The following ANTXR2 variants were observed in gnomAD, a reference collection of about 807,000 sequenced individuals.
ANTXR2 encodes the protein anthrax toxin receptor 2.
Under a neutral mutation model 73.7 loss-of-function variants are expected in ANTXR2, and 44 were observed. That is an observed-to-expected ratio of 0.60 (90% CI 0.47 to 0.77). The LOEUF is 0.77. Among genes scored for constraint, ANTXR2 ranks in the 30% least tolerant of loss-of-function variants. The pLI is 0.00. For missense variants in ANTXR2, 604 were observed against 592.5 expected, an observed-to-expected ratio of 1.02 and a Z score of -0.20; for synonymous variants, 217 against 205.9, an observed-to-expected ratio of 1.05 and a Z score of -0.46.
Position 79,906,517 on chromosome 4 carries a change from T to C in ANTXR2, c.*912A>G, listed in dbSNP as rs1395919053. ...CCCTGAGCGGAAGCTTTGTGGTTAC[T>C]GCTTCCTTTAAATTAAAAGCAAAAC... On this transcript the variant is annotated 3_prime_UTR_variant, in exon 17 of 17. Transcript: ENST00000403729. 1.3e-5 allele frequency: 2 copies of C among 152,624 alleles called. No individual in the cohort carries two copies. Among genetic ancestry groups the C allele is most frequent in the Non-Finnish European group, 2.9e-5 (2 of 68,040 alleles). The allele number at this position is 152,624 out of a possible 1,614,324, so 9.5% of individuals were successfully genotyped here. A position where few individuals can be genotyped will look rare whatever the true frequency, so the allele number is the denominator to read the frequency against.
At position 80,043,078 on chromosome 4, in the gene ANTXR2, G is replaced by C. The variant is rs575031273; in HGVS notation, c.637-7046C>G. 4.9e-4 allele frequency among the ~76,000 whole-genome samples: 74 copies of C among 152,062 alleles called. 1 individual carries two copies. The highest frequency in any genetic ancestry group is 6.8e-3 in the Middle Eastern group (2 of 294). On this transcript the variant is annotated intron_variant, in intron 7 of 16. Transcript: ENST00000403729. ...GTTCACAAGCATGGGGGAGAGAGGG[G>C]AGTGGAGGATGAAAAATTACTTAGT... is the stretch of plus-strand genomic sequence containing the variant.
intron 3 of ANTXR2, among the ~76,000 whole-genome samples, chr4:80,064,245 G>C (rs975443944): frequency 4.6e-5 from 7 of 152,068 alleles, no homozygotes; most frequent in Admixed American, 1.3e-4. Flanking sequence ...TTCAGGCTGG[G>C]GGCAAGTGTA....
chr4:80,013,694 T>C (rs2110062838), intron 11 of ANTXR2, among the ~76,000 whole-genome samples: 1 of 152,304 alleles, frequency 6.6e-6, no homozygotes, highest in East Asian at 1.9e-4. Context: ...TTACCCACTA[T>C]ACTCTTCTAT....
chr4:80,070,809 C>T (rs1194460302), intron 2 of ANTXR2, among the ~76,000 whole-genome samples: 1 of 151,940 alleles, frequency 6.6e-6, no homozygotes. Context: ...TGATACAGTT[C>T]CTATTCATGT....
intron 10 of ANTXR2, among the ~76,000 whole-genome samples, chr4:80,030,280 T>C (rs552161736): frequency 9.2e-5 from 14 of 151,942 alleles, no homozygotes; most frequent in Non-Finnish European, 2.1e-4. Context: ...ATAACTAAAA[T>C]GGAAAATACA....
chr4:80,005,533 C>A (rs1055147718), intron 12 of ANTXR2, among the ~76,000 whole-genome samples: 2 of 152,148 alleles, frequency 1.3e-5, no homozygotes, highest in African/African-American at 2.4e-5. Flanking sequence ...AAGATAAACA[C>A]CCTGCGATTG....
chr4:80,023,665 T>TA (rs1407222968), intron 10 of ANTXR2, among the ~76,000 whole-genome samples: 2 of 152,226 alleles, frequency 1.3e-5, no homozygotes, highest in Admixed American at 6.5e-5. Context: ...GGATGAAGCT[T>TA]AAAGAATGAT....
Position 80,055,992 on chromosome 4 carries a change from C to T in ANTXR2, c.318G>A (p.Leu106=). ...CTGGACTAACACGTTTTAAATCCTC[C>T]AAGCCTTTACTGATTTTGCCTCTGA... The part of the protein sequence containing the change: ...TGDRGKISKG[L]EDLKRVSPVG... The change falls in exon 4 of 17, where the codon TTG becomes TTA. Residue 106 remains leucine (L), a synonymous_variant. Transcript: ENST00000403729. 1 of 1,564,264 alleles carries T rather than the reference C, an allele frequency of 6.4e-7. No homozygotes were observed. The highest frequency in any genetic ancestry group is 8.7e-7 in the Non-Finnish European group (1 of 1,155,498).
intron 16 of ANTXR2, among the ~76,000 whole-genome samples, chr4:79,948,254 A>G (rs1728583463): frequency 6.6e-6 from 1 of 152,148 alleles, no homozygotes; most frequent in Non-Finnish European, 1.5e-5. Flanking sequence ...TTTGTGGTTC[A>G]GATAAGAGGA....
At chr4:79,907,573 G>A (rs889276510) in intron 16 of ANTXR2, 106 bp from the exon 17 acceptor site, 5 of 1,256,034 alleles carry the variant, frequency 4.0e-6, no homozygotes, top group Non-Finnish European at 4.6e-6. Context: ...CCCAAGGAAA[G>A]TACCATGTTA....
intron 3 of ANTXR2, among the ~76,000 whole-genome samples, chr4:80,060,381 T>C (rs552333723): frequency 6.6e-6 from 1 of 152,328 alleles, no homozygotes; most frequent in Non-Finnish European, 1.5e-5. Flanking sequence ...TGATCTAACC[T>C]AATTTTAAAA....
chr4:79,965,316 G>C (rs1278130756), intron 16 of ANTXR2, among the ~76,000 whole-genome samples: 3 of 152,294 alleles, frequency 2.0e-5, no homozygotes, highest in African/African-American at 7.2e-5. Context: ...GTGTTATTTA[G>C]AACCATTAGC....
At chr4:80,008,807 T>C (rs1269424958) in intron 11 of ANTXR2, among the ~76,000 whole-genome samples, 191 bp from the exon 12 acceptor site, 2 of 152,214 alleles carry the variant, frequency 1.3e-5, no homozygotes, top group African/African-American at 4.8e-5. Flanking sequence ...TTATGTTTTA[T>C]GTTATATTGT....
At position 79,919,615 on chromosome 4, in the gene ANTXR2, G is replaced by A. The variant is rs999389279; in HGVS notation, c.1429-12148C>T. Among the ~76,000 whole-genome samples, 11 of 151,786 alleles carry A rather than the reference G, an allele frequency of 7.2e-5. No homozygotes were observed. The South Asian group carries it at 1.5e-3, about 20-fold the overall frequency. On this transcript the variant is annotated intron_variant, in intron 16 of 16. Coordinates refer to ENST00000403729, the MANE Select transcript of ANTXR2 (RefSeq NM_058172.6). ...CCCATGCTGGATACTTCCTGCCCTC[G>A]AACATCAGACTCTGAGTTCTTCAGC...
intron 7 of ANTXR2, among the ~76,000 whole-genome samples, chr4:80,040,938 G>T (rs992633014): frequency 6.6e-6 from 1 of 151,916 alleles, no homozygotes; most frequent in African/African-American, 2.4e-5. Flanking sequence ...CATTAATATA[G>T]ATAACAAAAA....
chr4:80,054,616 C>A (rs1273357256), intron 6 of ANTXR2, among the ~76,000 whole-genome samples: 1 of 151,598 alleles, frequency 6.6e-6, no homozygotes, highest in Non-Finnish European at 1.5e-5. Context: ...GGAAATCTAA[C>A]AGCTATCAAC....
At chr4:79,997,887 G>A (rs1316298825) in intron 12 of ANTXR2, among the ~76,000 whole-genome samples, 2 of 151,864 alleles carry the variant, frequency 1.3e-5, no homozygotes, top group Non-Finnish European at 1.5e-5. Context: ...CACCATGAAA[G>A]CATGAAAGAC....
intron 8 of ANTXR2, 142 bp from the exon 9 acceptor site, chr4:80,033,712 C>A: frequency 1.6e-6 from 1 of 624,960 alleles, no homozygotes. Flanking sequence ...AGACATAGCT[C>A]TATATTTCCA....
intron 7 of ANTXR2, among the ~76,000 whole-genome samples, chr4:80,041,307 A>G (rs1050010978): frequency 6.6e-6 from 1 of 152,026 alleles, no homozygotes; most frequent in Non-Finnish European, 1.5e-5. Flanking sequence ...AACTCTTAAC[A>G]AACTAGTGAA....
Sources: gnomAD v4.1 joint callset for allele counts (sites outside exome capture counted in the v4.1 genomes callset) on GRCh38, gnomAD v4.1.1 for gene constraint, MANE v1.5 for transcripts, NCBI Gene and HGNC (gene_info 2026-07-23, HGNC 2026-07-21) for gene names.